HS2ST1: variants seen among roughly 807,000 people sequenced by gnomAD.
The protein encoded by HS2ST1 is heparan sulfate 2-O-sulfotransferase 1, also known as 2-O-sulfotransferase.
HS2ST1 carries 18 observed loss-of-function variants against 42.9 expected under a neutral mutation model. That is an observed-to-expected ratio of 0.42 (90% CI 0.29 to 0.62). The LOEUF is 0.62. Ranked by LOEUF, HS2ST1 falls within the 20% of genes least tolerant of loss-of-function variation. The pLI is 0.21. For synonymous variants in HS2ST1, 146 were observed against 152.9 expected (o/e 0.95, Z 0.33); for missense variants, 334 against 433.8 (o/e 0.77, Z 2.04).
In HS2ST1 at chr1:86,993,006, C is replaced by T. The variant is rs1035154058; in HGVS notation, c.124+77846C>T. The T allele has an allele frequency of 4.0e-6, 6 of 1,493,062 alleles. No homozygotes were observed. The African/African-American group carries it at 8.4e-5, about 21-fold the overall frequency. The allele number at this position is 1,493,062 out of a possible 1,614,324, so 92.5% of individuals were successfully genotyped here. On this transcript the variant is annotated intron_variant, in intron 1 of 6. Coordinates refer to ENST00000370550, the MANE Select transcript of HS2ST1 (RefSeq NM_012262.4). ...GTCTGTGTCTATGTTCCTTTCCTCC[C>T]AGTGTGGGGAGGGTACCTCTCACAG...
chr1:87,086,572 C>T (rs1012848409), intron 3 of HS2ST1, among the ~76,000 whole-genome samples: 1 of 151,648 alleles, frequency 6.6e-6, no homozygotes. Context: ...GAATGTAAGC[C>T]CCAAGAAACC....
intron 5 of HS2ST1, among the ~76,000 whole-genome samples, chr1:87,102,168 C>T (rs944275475): frequency 6.6e-6 from 1 of 152,108 alleles, no homozygotes; most frequent in Non-Finnish European, 1.5e-5. Flanking sequence ...AAGCAATTCT[C>T]CTGCCTCAGC....
chr1:87,105,753 A>C lies in HS2ST1; in HGVS notation c.*1057A>C, dbSNP rs1037527143. 1 of 152,534 alleles carries C rather than the reference A, an allele frequency of 6.6e-6. No individual in the cohort carries two copies. The highest frequency in any genetic ancestry group is 2.4e-5 in the African/African-American group (1 of 41,454). 9.4% of individuals were successfully genotyped at this position (152,534 alleles called of 1,614,324 possible). A position where few individuals can be genotyped will look rare whatever the true frequency, so the allele number is the denominator to read the frequency against. ...TATGTCAAGTAAAACCATCAGACCT[A>C]CTGTTCTTGTATTTCTCATTTAACT... is the stretch of plus-strand genomic sequence containing the variant. On this transcript the variant is annotated 3_prime_UTR_variant, in exon 7 of 7. Transcript: ENST00000370550.
At chr1:87,047,484 C>A (rs898406524) in intron 1 of HS2ST1, among the ~76,000 whole-genome samples, 2 of 152,056 alleles carry the variant, frequency 1.3e-5, no homozygotes, top group African/African-American at 4.8e-5. Context: ...TTTAAGAAAT[C>A]TTTGCCAAAC....
intron 1 of HS2ST1, among the ~76,000 whole-genome samples, chr1:87,063,919 T>G (rs752726309): frequency 1.4e-4 from 21 of 152,210 alleles, no homozygotes; most frequent in Non-Finnish European, 2.9e-4. Flanking sequence ...GGTCTAATTA[T>G]AATCTTCTGT....
At chr1:87,057,883 A>AT in intron 1 of HS2ST1, among the ~76,000 whole-genome samples, 1 of 151,618 alleles carries the variant, frequency 6.6e-6, no homozygotes, top group South Asian at 2.1e-4. Flanking sequence ...AAAAAACTGT[A>AT]TTTTTTGTCT....
At chr1:87,017,812 A>G (rs1014505255) in intron 1 of HS2ST1, among the ~76,000 whole-genome samples, 4 of 151,946 alleles carry the variant, frequency 2.6e-5, no homozygotes, top group African/African-American at 9.7e-5. Context: ...GATTTTTGAT[A>G]TATGTGTCCT....
At chr1:87,042,868 T>TTTCTGACTTTTTGTTTACG (rs1374926894) in intron 1 of HS2ST1, among the ~76,000 whole-genome samples, 2 of 152,156 alleles carry the variant, frequency 1.3e-5, no homozygotes, top group Non-Finnish European at 2.9e-5. Flanking sequence ...GGAATTTACT[T>TTTCTGACTTTTTGTTTACG]TTCTGACTTT....
chr1:87,092,723 G>A, intron 4 of HS2ST1, 54 bp downstream of exon 4: 3 of 1,120,000 alleles, frequency 2.7e-6, no homozygotes, highest in Non-Finnish European at 3.6e-6. Context: ...GAACTGCAGT[G>A]AGCAATGTGC....
At chr1:87,046,342 T>C in intron 1 of HS2ST1, 1 of 747,078 alleles carries the variant, frequency 1.3e-6, no homozygotes, top group East Asian at 2.7e-5. Flanking sequence ...ATACATTGCA[T>C]CTTTTGGGCA....
At chr1:86,978,861 C>CTT (rs55812524) in intron 1 of HS2ST1, among the ~76,000 whole-genome samples, 2,348 of 98,638 alleles carry the variant, frequency 0.024, 147 homozygotes, top group African/African-American at 0.059. Context: ...ACTTGTGAAT[C>CTT]TTTTTTTTTT....
Position 87,084,409 on chromosome 1 carries a change from C to T in HS2ST1, c.449+130C>T, listed in dbSNP as rs564918872. ...TGTCTTGCCTTTGCCAGTTTTAGAT[C>T]TGTAATTTAAATATACCTTCTTAGT... On this transcript the variant is annotated intron_variant, in intron 3 of 6. Transcript: ENST00000370550. 43 of 565,556 alleles carry T rather than the reference C, an allele frequency of 7.6e-5. No individual in the cohort carries two copies. The East Asian group carries it at 1.3e-3, about 17-fold the overall frequency. 35.0% of individuals were successfully genotyped at this position (565,556 alleles called of 1,614,324 possible).
chr1:86,966,287 T>C (rs1039346380), intron 1 of HS2ST1, among the ~76,000 whole-genome samples: 4 of 152,194 alleles, frequency 2.6e-5, no homozygotes, highest in Admixed American at 2.6e-4. Context: ...ATGTACCCTG[T>C]AAATACTACA....
chr1:87,018,654 C>T (rs1159427330), intron 1 of HS2ST1, among the ~76,000 whole-genome samples: 2 of 152,194 alleles, frequency 1.3e-5, no homozygotes, highest in African/African-American at 4.8e-5. Flanking sequence ...AGCACCACAG[C>T]ATCTTCTGTG....
intron 1 of HS2ST1, among the ~76,000 whole-genome samples, chr1:87,021,748 T>A (rs1282344684): frequency 6.6e-6 from 1 of 152,172 alleles, no homozygotes; most frequent in Non-Finnish European, 1.5e-5. Flanking sequence ...ACTCCTGGCC[T>A]CAAGTGATCC....
Position 86,942,409 on chromosome 1 carries a change from A to G in HS2ST1, c.124+27249A>G, listed in dbSNP as rs1003416491. On this transcript the variant is annotated intron_variant, in intron 1 of 6. Transcript: ENST00000370550. ...GTGCAGTTAAAATAGGCTATCTTAG[A>G]TTATCTTTGTTCTTCTGTTCTATTT... Among the ~76,000 whole-genome samples, 3 of 152,208 alleles carry G rather than the reference A, an allele frequency of 2.0e-5. 1 individual carries two copies. The highest frequency in any genetic ancestry group is 4.1e-4 in the South Asian group (2 of 4,822).
At chr1:87,017,636 T>G (rs1649799050) in intron 1 of HS2ST1, among the ~76,000 whole-genome samples, 2 of 152,324 alleles carry the variant, frequency 1.3e-5, no homozygotes, top group East Asian at 1.9e-4. Context: ...TAAAAACAAT[T>G]GGCTGAAAAC....
In HS2ST1 at chr1:86,914,669, C is replaced by G. The variant is rs1415981456; in HGVS notation, c.-368C>G. On this transcript the variant is annotated 5_prime_UTR_variant, in exon 1 of 7. Coordinates refer to ENST00000370550, the MANE Select transcript of HS2ST1 (RefSeq NM_012262.4). ...GCGCCGGTGGAGGGGCGCGCGGCCGCGAGCAAAGGAGGGAGGGAAGGAAGG... is the reference window on the plus strand; with the variant it reads ...GCGCCGGTGGAGGGGCGCGCGGCCGGGAGCAAAGGAGGGAGGGAAGGAAGG... 4.7e-6 allele frequency: 1 copy of G among 210,650 alleles called. No homozygotes were observed. Among genetic ancestry groups the G allele is most frequent in the East Asian group, 1.4e-4 (1 of 7,262 alleles). 13.0% of individuals were successfully genotyped at this position (210,650 alleles called of 1,614,324 possible). A position where few individuals can be genotyped will look rare whatever the true frequency, so the allele number is the denominator to read the frequency against.
At chr1:87,064,441 T>G (rs758303772) in intron 1 of HS2ST1, 4 of 517,662 alleles carry the variant, frequency 7.7e-6, no homozygotes, top group Non-Finnish European at 1.5e-5. Flanking sequence ...ATAAGTCTAC[T>G]CCATCTTCCC....
Sources: allele counts gnomAD v4.1 joint callset (sites outside exome capture counted in the v4.1 genomes callset), GRCh38; gene constraint gnomAD v4.1.1; transcripts MANE v1.5; gene names NCBI Gene and HGNC (gene_info 2026-07-23, HGNC 2026-07-21).